The following VPS13D variants were observed in gnomAD, a reference collection of about 807,000 sequenced individuals.
VPS13D encodes vacuolar protein sorting 13 homolog D, also known as intermembrane lipid transfer protein VPS13D.
A neutral mutation model predicts 461.9 loss-of-function variants in VPS13D; 187 were observed. The observed-to-expected ratio is 0.40, with a 90% CI of 0.36 to 0.46. The LOEUF is 0.46. Among genes scored for constraint, VPS13D ranks in the 20% least tolerant of loss-of-function variants. The probability of loss-of-function intolerance (pLI) is 0.60; values close to 1 mark genes in which losing one functional copy is unlikely to be tolerated. For synonymous variants in VPS13D, 1,951 were observed against 1,986.3 expected, an observed-to-expected ratio of 0.98 and a Z score of 0.47; for missense variants, 4,711 against 5,364.9, an observed-to-expected ratio of 0.88 and a Z score of 3.81.
At position 12,260,790 on chromosome 1, in the gene VPS13D, C is replaced by T. The variant is rs905420307; in HGVS notation, c.1208C>T (p.Ala403Val). 1 of 1,614,036 alleles carries T rather than the reference C, an allele frequency of 6.2e-7. No individual in the cohort carries two copies. The highest frequency in any genetic ancestry group is 8.5e-7 in the Non-Finnish European group (1 of 1,179,906). ...HDRFHKQEEL[A>V]ESLREPQFDS... Reference sequence around the variant, plus strand: ...CGATTTCACAAACAGGAAGAACTAGCAGAGGTAAGAAATCCTCTACAAGAG... The same window carrying T: ...CGATTTCACAAACAGGAAGAACTAGTAGAGGTAAGAAATCCTCTACAAGAG... The change falls in exon 11 of 70, where the codon GCA (alanine) becomes GTA (valine). Residue 403 changes from alanine (A) to valine (V), a missense_variant. Ala to Val is a moderately conservative substitution (Grantham distance 64, BLOSUM62 0). Coordinates refer to ENST00000620676, the MANE Select transcript of VPS13D (RefSeq NM_015378.4).
At chr1:12,272,742 A>G (rs1193302341) in intron 17 of VPS13D, among the ~76,000 whole-genome samples, 1 of 152,222 alleles carries the variant, frequency 6.6e-6, no homozygotes, top group African/African-American at 2.4e-5. Context: ...GTAAATTAGA[A>G]ACAAAATCTT....
In VPS13D at chr1:12,310,817, CTCCTTCCCTCCTTCCT is replaced by C. The variant is rs1642720987; in HGVS notation, c.6651-621_6651-606del. On this transcript the variant is annotated intron_variant, in intron 27 of 69. Coordinates refer to ENST00000620676, the MANE Select transcript of VPS13D (RefSeq NM_015378.4). ...CTTCCCTCCCTCCCTCCCTCCCTCC[CTCCTTCCCTCCTTCCT>C]TCCTTCCCTCCTTCCCTCCTTCCTT... Among the ~76,000 whole-genome samples the C allele has an allele frequency of 4.0e-5, 5 of 124,850 alleles. No homozygotes were observed. In the East Asian group the frequency reaches 6.9e-4, roughly 17 times the overall value. The allele number at this position is 124,850 out of a possible 152,430, so 81.9% of individuals were successfully genotyped here.
At position 12,492,413 on chromosome 1, in the gene VPS13D, A is replaced by G. The variant is rs569221309; in HGVS notation, c.12663-5087A>G. ...ATCCAAAATACAATTTAAATTTAAA[A>G]TTCAGTCCTTTAGTTACACTGGCCA... is the stretch of plus-strand genomic sequence containing the variant. On this transcript the variant is annotated intron_variant, in intron 67 of 69. Transcript: ENST00000620676. 7.2e-4 allele frequency among the ~76,000 whole-genome samples: 110 copies of G among 152,378 alleles called. 2 individuals carry two copies. Among genetic ancestry groups the G allele is most frequent in the Middle Eastern group, 3.4e-3 (1 of 294 alleles).
chr1:12,353,824 A>G (rs1172997862), intron 46 of VPS13D, 150 bp from the exon 47 acceptor site: 2 of 803,346 alleles, frequency 2.5e-6, no homozygotes, highest in Non-Finnish European at 3.8e-6. Flanking sequence ...TTGTGCATTT[A>G]TATCTTAATA....
chr1:12,397,907 C>T (rs1261891304), intron 60 of VPS13D, among the ~76,000 whole-genome samples: 1 of 152,108 alleles, frequency 6.6e-6, no homozygotes, highest in South Asian at 2.1e-4. Flanking sequence ...ATTTTAGAAA[C>T]AATAAGGAGG....
intron 35 of VPS13D, among the ~76,000 whole-genome samples, chr1:12,324,068 C>G (rs1643115387): frequency 6.6e-6 from 1 of 152,116 alleles, no homozygotes; most frequent in Non-Finnish European, 1.5e-5. Context: ...GTCACCACAC[C>G]TAGGTAATTT....
In VPS13D at chr1:12,253,771, T is replaced by C. The variant is rs146889077; in HGVS notation, c.614T>C (p.Ile205Thr). The C allele has an allele frequency of 8.9e-5, 144 of 1,614,178 alleles. 1 individual carries two copies. The Middle Eastern group carries it at 9.9e-4, about 11-fold the overall frequency. Residue 205 changes from isoleucine (I) to threonine (T), a missense_variant, in exon 7 of 70, where the codon ATC becomes ACC. Physicochemically the swap from Ile to Thr is moderately conservative, Grantham distance 89 (BLOSUM62 -1). Around this residue, in one of 3 missense-constraint regions of VPS13D, gnomAD observed 4,411 missense variants for 4,937.8 expected, o/e 0.89. Transcript: ENST00000620676. ...CAATTAGACGTAGCAGAATTTAGCA[T>C]CTATTGGGATGTCGATTGCACTTTA... ...KKQLDVAEFSIYWDVDCTLLG... is the reference protein window; with the variant it reads ...KKQLDVAEFSTYWDVDCTLLG...
At chr1:12,332,576 A>C (rs1220778463) in intron 37 of VPS13D, among the ~76,000 whole-genome samples, 1 of 152,222 alleles carries the variant, frequency 6.6e-6, no homozygotes, top group African/African-American at 2.4e-5. Flanking sequence ...AAGAGCAAGG[A>C]AATGATTAAC....
intron 47 of VPS13D, 39 bp downstream of exon 47, chr1:12,354,260 T>C: frequency 6.2e-7 from 1 of 1,605,234 alleles, no homozygotes; most frequent in South Asian, 1.1e-5. Flanking sequence ...CATAATCCTA[T>C]GAAAATATCA....
chr1:12,412,226 GCTC>G (rs1343429545), intron 63 of VPS13D, among the ~76,000 whole-genome samples: 3 of 152,246 alleles, frequency 2.0e-5, no homozygotes, highest in Non-Finnish European at 4.4e-5. Flanking sequence ...AGTTGTCGTT[GCTC>G]CTCAAATTGA....
chr1:12,445,732 C>G (rs1274761424), intron 65 of VPS13D, among the ~76,000 whole-genome samples: 1 of 152,160 alleles, frequency 6.6e-6, no homozygotes, highest in Admixed American at 6.5e-5. Context: ...TTTAAAAGAA[C>G]CTTCTTTTGA....
chr1:12,479,597 A>G (rs1645685928), intron 67 of VPS13D, among the ~76,000 whole-genome samples: 1 of 152,194 alleles, frequency 6.6e-6, no homozygotes, highest in African/African-American at 2.4e-5. Flanking sequence ...CTTGTCTAAG[A>G]TCTCAGAGGT....
chr1:12,488,261 A>G (rs1645828183), intron 67 of VPS13D, among the ~76,000 whole-genome samples: 2 of 152,228 alleles, frequency 1.3e-5, no homozygotes, highest in Non-Finnish European at 2.9e-5. Context: ...ATTAACTTTT[A>G]CAAGTACCTA....
chr1:12,379,214 G>A (rs1212890980), intron 56 of VPS13D, among the ~76,000 whole-genome samples: 3 of 152,278 alleles, frequency 2.0e-5, no homozygotes, highest in Non-Finnish European at 4.4e-5. Context: ...GTAAGTTGCC[G>A]TTTTGAGAAT....
Position 12,304,660 on chromosome 1 carries a change from C to T in VPS13D, c.6371C>T (p.Pro2124Leu). Residue 2124 changes from proline to leucine, a missense_variant, in exon 26 of 70, where the codon CCC becomes CTC. Transcript: ENST00000620676. ...SLGSLKSEFV[P>L]STSTKQQGPQ... is the part of the protein sequence containing the mutation. ...GGAAGCCTGAAGAGTGAGTTTGTGC[C>T]CAGTACCTCCACCAAGCAGCAAGGG... 6.2e-7 allele frequency: 1 copy of T among 1,613,984 alleles called. No homozygotes were observed. Among genetic ancestry groups the T allele is most frequent in the Non-Finnish European group, 8.5e-7 (1 of 1,180,020 alleles).
chr1:12,416,247 C>G (rs1442237759), intron 64 of VPS13D, among the ~76,000 whole-genome samples: 3 of 152,286 alleles, frequency 2.0e-5, no homozygotes, highest in Middle Eastern at 3.4e-3. Flanking sequence ...CCACCCACAC[C>G]ACAGCTTATG....
At chr1:12,312,041 TGCAGA>T in intron 29 of VPS13D, 116 bp downstream of exon 29, 1 of 731,994 alleles carries the variant, frequency 1.4e-6, no homozygotes, top group Non-Finnish European at 2.1e-6. Flanking sequence ...GAATGTTGTC[TGCAGA>T]GTGTCTTTTG....
At chr1:12,264,938 G>A (rs1388304923) in intron 13 of VPS13D, among the ~76,000 whole-genome samples, 2 of 152,168 alleles carry the variant, frequency 1.3e-5, no homozygotes, top group African/African-American at 4.8e-5. Context: ...TTAGGGGCCA[G>A]TGCAGCTGGT....
In VPS13D at chr1:12,327,530, A is replaced by G. The variant is rs1323629474; in HGVS notation, c.7991-118A>G. The G allele has an allele frequency of 5.1e-6, 3 of 590,106 alleles. No individual in the cohort carries two copies. In the Middle Eastern group the frequency reaches 1.6e-3, roughly 315 times the overall value. 36.6% of individuals were successfully genotyped at this position (590,106 alleles called of 1,614,324 possible). On this transcript the variant is annotated intron_variant, in intron 35 of 69. Transcript: ENST00000620676. ...TAAGTCCAAGAATACTTCTGGGATC[A>G]AGGCTCTCTTGGCTTCCCAGTAGGT...
Sources: allele counts gnomAD v4.1 joint callset (sites outside exome capture counted in the v4.1 genomes callset), GRCh38; gene constraint gnomAD v4.1.1; regional missense constraint gnomAD v4.1.1; transcripts MANE v1.5; gene names NCBI Gene and HGNC (gene_info 2026-07-23, HGNC 2026-07-21).